TRIM65: variants seen among roughly 807,000 people sequenced by gnomAD.
The protein encoded by TRIM65 is tripartite motif containing 65.
Under a neutral mutation model 36.1 loss-of-function variants are expected in TRIM65, and 46 were observed. The ratio of observed to expected loss-of-function variants is 1.27; its 90% CI spans 1.01 to 1.63. TRIM65 has a LOEUF of 1.63. Ranked by LOEUF, TRIM65 falls within the 40% of genes most tolerant of loss-of-function variation. The pLI, the probability that TRIM65 is intolerant of heterozygous loss-of-function variation, is 0.00. For missense variants in TRIM65, 708 were observed against 696.6 expected, an observed-to-expected ratio of 1.02 and a Z score of -0.18; for synonymous variants, 346 against 313.6, an observed-to-expected ratio of 1.10 and a Z score of -1.09.
In TRIM65 at chr17:75,889,380, C is replaced by G. The variant is rs1315853179; in HGVS notation, c.*1399G>C. ...AAAGCAGACACCCTTGGAACCACCT[C>G]CCAGAACAAGAAGTGGAACATTTCA... On this transcript the variant is annotated 3_prime_UTR_variant, in exon 6 of 6. Transcript: ENST00000269383. The G allele has an allele frequency of 5.9e-5, 9 of 152,172 alleles. No homozygotes were observed. The highest frequency in any genetic ancestry group is 5.9e-4 in the Admixed American group (9 of 15,254). The allele number at this position is 152,172 out of a possible 1,614,324, so 9.4% of individuals were successfully genotyped here. A position where few individuals can be genotyped will look rare whatever the true frequency, so the allele number is the denominator to read the frequency against.
intron 1 of TRIM65, 40 bp downstream of exon 1, chr17:75,896,484 G>C: frequency 7.7e-7 from 1 of 1,292,290 alleles, no homozygotes; most frequent in Non-Finnish European, 9.8e-7. Flanking sequence ...GCCAGGCTGC[G>C]GCGGGTCCGG....
chr17:75,887,736 G>C (rs180718815), downstream of TRIM65, among the ~76,000 whole-genome samples: 8 of 152,084 alleles, frequency 5.3e-5, no homozygotes, highest in African/African-American at 9.7e-5. Context: ...GAAGAAAAGA[G>C]GGGGGCCGGA....
At chr17:75,887,030 G>A (rs547242203), downstream of TRIM65, among the ~76,000 whole-genome samples, 7 of 151,598 alleles carry the variant, frequency 4.6e-5, no homozygotes, top group Admixed American at 6.6e-5. Flanking sequence ...GGTGGTATGC[G>A]ACTGTAGTTC....
intron 2 of TRIM65, 78 bp from the exon 3 acceptor site, chr17:75,892,578 G>T: frequency 7.2e-7 from 1 of 1,397,090 alleles, no homozygotes; most frequent in Non-Finnish European, 9.9e-7. Context: ...AGGGCTGCCT[G>T]CTGGGCTGAG....
intron 4 of TRIM65, among the ~76,000 whole-genome samples, chr17:75,881,442 T>C (rs1396117092): frequency 6.7e-6 from 1 of 150,176 alleles, no homozygotes; most frequent in Non-Finnish European, 1.5e-5. Context: ...GCGATCACGG[T>C]GACAGCACAG....
chr17:75,885,935 A>G (rs1483922790), downstream of TRIM65, among the ~76,000 whole-genome samples: 2 of 152,140 alleles, frequency 1.3e-5, no homozygotes, highest in South Asian at 2.1e-4. Context: ...CACCTCTGAT[A>G]TGGTTTGGCT....
chr17:75,888,309 C>T (rs73354053), downstream of TRIM65, among the ~76,000 whole-genome samples: 17,427 of 149,474 alleles, frequency 0.12, 1,127 homozygotes, highest in African/African-American at 0.16. Context: ...GCTGAGATCA[C>T]GCTATTGTAC....
rs1174271205 is a variant in TRIM65, at chr17:75,896,648, CG to C, written c.289del (p.Arg97AlafsTer45). The C allele has an allele frequency of 4.0e-6, 5 of 1,240,548 alleles. No individual in the cohort carries two copies. Among genetic ancestry groups the C allele is most frequent in the Non-Finnish European group, 5.0e-6 (5 of 996,292 alleles). 76.8% of individuals were successfully genotyped at this position (1,240,548 alleles called of 1,614,324 possible). A position where few individuals can be genotyped will look rare whatever the true frequency, so the allele number is the denominator to read the frequency against. On this transcript the variant is annotated frameshift_variant, in exon 1 of 6. Transcript: ENST00000269383. LOFTEE classifies it high-confidence loss of function. Reference protein sequence around the residue: ...PGPDPAARCPRHGRPLELFCR... With the variant: ...PGPDPAARCPXHGRPLELFCR... ...GAAGAGCTCCAGCGGCCGCCCGTGG[CG>C]GGGGCAGCGCGCGGCAGGGTCGGGG...
chr17:75,888,965 C>G lies in TRIM65; in HGVS notation c.*1814G>C, dbSNP rs2065231834. Reference sequence around the variant, plus strand: ...GGGTATGTATATTACACGTATTATCCTTTTAAAAAGTTTTATTGTGAAATA... The same window carrying G: ...GGGTATGTATATTACACGTATTATCGTTTTAAAAAGTTTTATTGTGAAATA... On this transcript the variant is annotated 3_prime_UTR_variant, in exon 6 of 6. Transcript: ENST00000269383. 1 of 151,502 alleles carries G rather than the reference C, an allele frequency of 6.6e-6. No individual in the cohort carries two copies. The highest frequency in any genetic ancestry group is 2.1e-4 in the South Asian group (1 of 4,804). 9.4% of individuals were successfully genotyped at this position (151,502 alleles called of 1,614,324 possible).
downstream of TRIM65, among the ~76,000 whole-genome samples, chr17:75,886,665 G>C (rs1254011188): frequency 6.6e-6 from 1 of 152,072 alleles, no homozygotes; most frequent in Admixed American, 6.6e-5. Flanking sequence ...TGGCCTGTGA[G>C]GTCCCTGTCT....
intron 1 of TRIM65, among the ~76,000 whole-genome samples, chr17:75,894,446 C>T (rs2065317166): frequency 6.6e-6 from 1 of 152,250 alleles, no homozygotes. Flanking sequence ...TGCCCGTTCT[C>T]TTCCTGGCAC....
downstream of TRIM65, chr17:75,880,334 C>CT (rs112950190): frequency 8.8e-3 from 1,170 of 133,002 alleles, 41 homozygotes; most frequent in African/African-American, 0.023. Flanking sequence ...TTCAAATGTC[C>CT]TTTTTTTTTT....
At chr17:75,882,090 G>T (rs529910838) in intron 4 of TRIM65, among the ~76,000 whole-genome samples, 1 of 150,558 alleles carries the variant, frequency 6.6e-6, no homozygotes, top group East Asian at 1.9e-4. Flanking sequence ...TTTCCGGTTG[G>T]GTCCCAGCCA....
Position 75,891,199 on chromosome 17 carries a change from G to C in TRIM65, c.1134C>G (p.Ser378Arg). 2 of 1,612,170 alleles carry C rather than the reference G, an allele frequency of 1.2e-6. No individual in the cohort carries two copies. Among genetic ancestry groups the C allele is most frequent in the Non-Finnish European group, 1.7e-6 (2 of 1,180,006 alleles). ...FELWQVQCAQ[S>R]FQAGHHYWEV... The stretch of plus-strand genomic sequence containing the variant: ...CCCAGTAGTGGTGCCCGGCCTGGAA[G>C]CTCTGGGCACATTGCACCTGCCAGA... The change falls in exon 6 of 6, where the codon AGC becomes AGG. Residue 378 changes from serine to arginine, a missense_variant. Ser to Arg is a moderately radical substitution (Grantham distance 110). Coordinates refer to ENST00000269383, the MANE Select transcript of TRIM65 (RefSeq NM_173547.4).
intron 2 of TRIM65, 94 bp downstream of exon 2, chr17:75,892,661 C>T (rs774280213): frequency 2.0e-5 from 26 of 1,330,438 alleles, no homozygotes; most frequent in Admixed American, 7.9e-5. Flanking sequence ...TGCTCAGCCC[C>T]GCTCCCTGCT....
downstream of TRIM65, among the ~76,000 whole-genome samples, chr17:75,887,291 C>T (rs1239017562): frequency 1.3e-5 from 2 of 151,642 alleles, no homozygotes; most frequent in African/African-American, 4.9e-5. Context: ...TGAGACCAGC[C>T]TGGCCAAACT....
Position 75,896,769 on chromosome 17 carries a change from C to G in TRIM65, c.169G>C (p.Gly57Arg). 2 of 1,494,914 alleles carry G rather than the reference C, an allele frequency of 1.3e-6. No homozygotes were observed. Among genetic ancestry groups the G allele is most frequent in the South Asian group, 1.3e-5 (1 of 79,982 alleles). 92.6% of individuals were successfully genotyped at this position (1,494,914 alleles called of 1,614,324 possible). A position where few individuals can be genotyped will look rare whatever the true frequency, so the allele number is the denominator to read the frequency against. ...CPECREPFPD[G>R]AELRRNVALS... ...GCCACGTTGCGGCGCAGCTCGGCGC[C>G]GTCGGGAAAGGGCTCCCGGCACTCG... The change falls in exon 1 of 6, where the codon GGC becomes CGC. Residue 57 changes from glycine (G) to arginine (R), a missense_variant. Physicochemically the swap from Gly to Arg is moderately radical, Grantham distance 125. Transcript: ENST00000269383.
intron 5 of TRIM65, 66 bp from the exon 6 acceptor site, chr17:75,891,413 G>A (rs1237751512): frequency 4.5e-6 from 7 of 1,548,640 alleles, no homozygotes; most frequent in East Asian, 2.3e-5. Context: ...CCATTTATCC[G>A]CTGCTAAACC....
chr17:75,888,789 C>T (rs923065831), downstream of TRIM65, among the ~76,000 whole-genome samples: 8 of 152,170 alleles, frequency 5.3e-5, no homozygotes, highest in Non-Finnish European at 1.0e-4. Flanking sequence ...CTGGGCTGTG[C>T]CAATCCAAGG....
Sources: gnomAD v4.1 joint callset for allele counts (sites outside exome capture counted in the v4.1 genomes callset) on GRCh38, gnomAD v4.1.1 for gene constraint, MANE v1.5 for transcripts, NCBI Gene and HGNC (gene_info 2026-07-23, HGNC 2026-07-21) for gene names.